The following EPHA6 variants were observed in gnomAD, a reference collection of about 807,000 sequenced individuals.
EPHA6 encodes the protein ephrin type-A receptor 6.
In EPHA6, 50 loss-of-function variants were observed where a neutral mutation model predicts 112.0. That is an observed-to-expected ratio of 0.45 (90% CI 0.36 to 0.56). EPHA6 has a LOEUF of 0.56. Among genes scored for constraint, EPHA6 ranks in the 20% least tolerant of loss-of-function variants. The pLI, the probability that EPHA6 is intolerant of heterozygous loss-of-function variation, is 0.00. For missense variants in EPHA6, 1,280 were observed against 1,417.4 expected (o/e 0.90, Z 1.56); for synonymous variants, 529 against 490.7 (o/e 1.08, Z -1.03).
chr3:96,881,282 C>A (rs950581323), intron 2 of EPHA6, among the ~76,000 whole-genome samples: 2 of 152,088 alleles, frequency 1.3e-5, no homozygotes, highest in African/African-American at 4.8e-5. Flanking sequence ...ATACCCAAGA[C>A]TAGGAAGAAA....
chr3:97,717,509 GCTT>G (rs2034302416), intron 14 of EPHA6, among the ~76,000 whole-genome samples: 1 of 152,132 alleles, frequency 6.6e-6, no homozygotes, highest in South Asian at 2.1e-4. Context: ...CTTACAGATG[GCTT>G]CTTCTTGAGG....
At chr3:96,878,718 G>A (rs755911644) in intron 2 of EPHA6, among the ~76,000 whole-genome samples, 16 of 151,916 alleles carry the variant, frequency 1.1e-4, no homozygotes, top group Non-Finnish European at 1.9e-4. Context: ...CAACAAGGCC[G>A]TCTTCCTTAC....
At chr3:97,482,385 T>A (rs1560055269) in intron 9 of EPHA6, among the ~76,000 whole-genome samples, 1 of 152,210 alleles carries the variant, frequency 6.6e-6, no homozygotes, top group Non-Finnish European at 1.5e-5. Flanking sequence ...TATGAAAATA[T>A]CATATGGAAT....
chr3:96,943,365 C>CAGT (rs1239550876), intron 2 of EPHA6, among the ~76,000 whole-genome samples: 1 of 151,946 alleles, frequency 6.6e-6, no homozygotes, highest in Non-Finnish European at 1.5e-5. Flanking sequence ...ACAGTGTATA[C>CAGT]ATATATCAAA....
intron 5 of EPHA6, among the ~76,000 whole-genome samples, chr3:97,403,008 A>G (rs1183623775): frequency 6.6e-6 from 1 of 152,116 alleles, no homozygotes; most frequent in African/African-American, 2.4e-5. Flanking sequence ...TAGATTTCTG[A>G]AAATAAATTG....
At chr3:97,227,386 A>T (rs1453798380) in intron 4 of EPHA6, among the ~76,000 whole-genome samples, 1 of 152,002 alleles carries the variant, frequency 6.6e-6, no homozygotes. Context: ...ACGCCCAGCT[A>T]ATTTTCATAT....
At chr3:97,637,471 CCCTTCTA>C (rs1284369137) in intron 13 of EPHA6, among the ~76,000 whole-genome samples, 1 of 152,068 alleles carries the variant, frequency 6.6e-6, no homozygotes, top group Non-Finnish European at 1.5e-5. Context: ...GGTTTTGCTG[CCCTTCTA>C]CCCAGCTGTA....
At chr3:96,897,111 G>A (rs953989028) in intron 2 of EPHA6, among the ~76,000 whole-genome samples, 2 of 151,700 alleles carry the variant, frequency 1.3e-5, no homozygotes, top group African/African-American at 2.4e-5. Context: ...AACATCAATT[G>A]GAATTTCATG....
chr3:97,477,782 T>C (rs2091419946), intron 8 of EPHA6, among the ~76,000 whole-genome samples: 4 of 126,488 alleles, frequency 3.2e-5, no homozygotes. Flanking sequence ...TATAATACTC[T>C]AATTATCATG....
At chr3:97,299,275 C>G (rs1479550784) in intron 5 of EPHA6, among the ~76,000 whole-genome samples, 6 of 150,182 alleles carry the variant, frequency 4.0e-5, no homozygotes, top group African/African-American at 1.5e-4. Flanking sequence ...ATTTTTAGAC[C>G]CCATCATTTT....
At chr3:97,405,841 A>T (rs1421020054) in intron 6 of EPHA6, among the ~76,000 whole-genome samples, 5 of 152,034 alleles carry the variant, frequency 3.3e-5, no homozygotes, top group Admixed American at 3.3e-4. Flanking sequence ...TAATAATGGA[A>T]CCCTTATTTC....
At chr3:97,331,457 G>A (rs1182854941) in intron 5 of EPHA6, among the ~76,000 whole-genome samples, 1 of 152,090 alleles carries the variant, frequency 6.6e-6, no homozygotes, top group East Asian at 1.9e-4. Flanking sequence ...AATGAATCCA[G>A]GAACTGGTTT....
At chr3:97,464,278 C>T (rs1185777002) in intron 7 of EPHA6, among the ~76,000 whole-genome samples, 1 of 152,036 alleles carries the variant, frequency 6.6e-6, no homozygotes, top group East Asian at 1.9e-4. Context: ...GAACAGTCTT[C>T]CAAACTCCTG....
intron 3 of EPHA6, among the ~76,000 whole-genome samples, chr3:97,152,921 A>G (rs1181608084): frequency 1.3e-5 from 2 of 152,064 alleles, no homozygotes; most frequent in Non-Finnish European, 2.9e-5. Flanking sequence ...TCTGCCTTGT[A>G]TTTCATCATG....
rs1380433883 is a variant in EPHA6, at chr3:97,646,029, T to C, written c.2784+7947T>C. The C allele has an allele frequency of 3.1e-6, 3 of 979,044 alleles. No individual in the cohort carries two copies. The African/African-American group carries it at 5.0e-5, about 16-fold the overall frequency. 60.6% of individuals were successfully genotyped at this position (979,044 alleles called of 1,614,324 possible). On this transcript the variant is annotated intron_variant, in intron 14 of 17. Coordinates refer to ENST00000389672, the MANE Select transcript of EPHA6 (RefSeq NM_001080448.3). ...GTAATCTTCAAGAAAAAAATATCTT[T>C]AGAACAGTATGCTACATGGAAGCTA...
Position 97,448,584 on chromosome 3 carries a change from C to A in EPHA6, c.1748C>A (p.Thr583Asn), listed in dbSNP as rs368911600. The A allele has an allele frequency of 6.2e-7, 1 of 1,613,422 alleles. No homozygotes were observed. Among genetic ancestry groups the A allele is most frequent in the Non-Finnish European group, 8.5e-7 (1 of 1,179,512 alleles). The part of the protein sequence containing the change: ...KYYEKEHEQL[T>N]YSSTRSKAPS... ...GTCCCCCAGGAACATGAGCAGCTGA[C>A]CTACTCTTCCACAAGGTCCAAAGCC... The change falls in exon 7 of 18, where the codon ACC (threonine) becomes AAC (asparagine). Residue 583 changes from threonine to asparagine, a missense_variant. By Grantham distance (65) the Thr-to-Asn change is moderately conservative. Around this residue, in one of 4 missense-constraint regions of EPHA6, gnomAD observed 878 missense variants for 999.7 expected, o/e 0.88. Coordinates refer to ENST00000389672, the MANE Select transcript of EPHA6 (RefSeq NM_001080448.3).
At chr3:97,726,822 A>G (rs922158503) in intron 15 of EPHA6, among the ~76,000 whole-genome samples, 2 of 152,072 alleles carry the variant, frequency 1.3e-5, no homozygotes, top group African/African-American at 4.8e-5. Context: ...TAATGTAGTT[A>G]ACAGAAGAAA....
At chr3:96,959,747 T>C (rs954329329) in intron 2 of EPHA6, among the ~76,000 whole-genome samples, 1 of 151,710 alleles carries the variant, frequency 6.6e-6, no homozygotes, top group African/African-American at 2.4e-5. Context: ...TTTTCAGTAA[T>C]AAATACATTG....
At chr3:97,272,860 G>C (rs1210101831) in intron 5 of EPHA6, among the ~76,000 whole-genome samples, 2 of 152,094 alleles carry the variant, frequency 1.3e-5, no homozygotes, top group Non-Finnish European at 2.9e-5. Flanking sequence ...TCAGAGGTCT[G>C]ACATTCCTGT....
Sources: allele counts gnomAD v4.1 joint callset (sites outside exome capture counted in the v4.1 genomes callset), GRCh38; gene constraint gnomAD v4.1.1; regional missense constraint gnomAD v4.1.1; transcripts MANE v1.5; gene names NCBI Gene and HGNC (gene_info 2026-07-23, HGNC 2026-07-21).